The following RARB variants were observed in gnomAD, a reference collection of about 807,000 sequenced individuals.
RARB encodes HBV-activated protein.
RARB carries 17 observed loss-of-function variants against 51.9 expected under a neutral mutation model. The observed-to-expected ratio is 0.33, with a 90% CI of 0.22 to 0.49. RARB has a LOEUF of 0.49. Among genes scored for constraint, RARB ranks in the 20% least tolerant of loss-of-function variants. RARB has a pLI of 0.99. For missense variants in RARB, 369 were observed against 550.8 expected, an observed-to-expected ratio of 0.67 and a Z score of 3.30; for synonymous variants, 215 against 195.4, an observed-to-expected ratio of 1.10 and a Z score of -0.84.
rs769694319 is a variant in RARB, at chr3:25,151,929, A to T, written c.-280+19721A>T. On this transcript the variant is annotated intron_variant, in intron 4 of 11. Transcript: ENST00000383772. Reference sequence around the variant, plus strand: ...TCCCTTTTTATAGATTTTTTTTTTTAAAGTACAAAATGAAAGTATGCCTGG... The same window carrying T: ...TCCCTTTTTATAGATTTTTTTTTTTTAAGTACAAAATGAAAGTATGCCTGG... Among the ~76,000 whole-genome samples, 21 of 151,346 alleles carry T rather than the reference A, an allele frequency of 1.4e-4. 1 individual carries two copies. Among genetic ancestry groups the T allele is most frequent in the Non-Finnish European group, 2.2e-4 (15 of 67,810 alleles).
chr3:24,967,458 A>G (rs1696300690), intron 2 of RARB, among the ~76,000 whole-genome samples: 1 of 152,110 alleles, frequency 6.6e-6, no homozygotes, highest in Non-Finnish European at 1.5e-5. Context: ...GTCAACTTCT[A>G]AGAGTAGAAT....
At chr3:25,072,313 CA>C (rs1223835146) in intron 3 of RARB, among the ~76,000 whole-genome samples, 1 of 152,134 alleles carries the variant, frequency 6.6e-6, no homozygotes, top group Non-Finnish European at 1.5e-5. Context: ...TCTGGAGAGC[CA>C]GTCACCGCCT....
intron 1 of RARB, chr3:25,441,578 G>C (rs1421596466): frequency 6.5e-6 from 1 of 153,488 alleles, no homozygotes; most frequent in Non-Finnish European, 1.5e-5. Context: ...CCTTCGCCCA[G>C]AGCTCGGCGA....
chr3:25,252,106 A>G (rs1274391675), intron 5 of RARB, among the ~76,000 whole-genome samples: 1 of 152,116 alleles, frequency 6.6e-6, no homozygotes, highest in East Asian at 1.9e-4. Context: ...CCATTTGTTA[A>G]AAAGATTATT....
At chr3:25,343,288 C>A (rs1397870417) in intron 5 of RARB, among the ~76,000 whole-genome samples, 1 of 152,064 alleles carries the variant, frequency 6.6e-6, no homozygotes. Flanking sequence ...CTCTCAGTTT[C>A]TCTGGTCCCA....
chr3:25,222,873 G>C (rs1701977062), intron 5 of RARB, among the ~76,000 whole-genome samples: 1 of 152,092 alleles, frequency 6.6e-6, no homozygotes, highest in Non-Finnish European at 1.5e-5. Flanking sequence ...GAAGAGCAAA[G>C]CTAACGAAAT....
intron 2 of RARB, among the ~76,000 whole-genome samples, chr3:24,861,245 G>C (rs1487288810): frequency 6.6e-6 from 1 of 152,102 alleles, no homozygotes; most frequent in Non-Finnish European, 1.5e-5. Flanking sequence ...ATCTAGAGCT[G>C]ACTTAAAGTA....
intron 4 of RARB, among the ~76,000 whole-genome samples, chr3:25,578,549 C>G: frequency 6.6e-6 from 1 of 152,214 alleles, no homozygotes; most frequent in East Asian, 1.9e-4. Flanking sequence ...CCCTCTCTTC[C>G]GTGTCATCTT....
chr3:24,956,820 T>G (rs1354873299), intron 2 of RARB, among the ~76,000 whole-genome samples: 1 of 152,120 alleles, frequency 6.6e-6, no homozygotes, highest in African/African-American at 2.4e-5. Flanking sequence ...GTCCGCTAGA[T>G]ATTTGTACAC....
intron 3 of RARB, among the ~76,000 whole-genome samples, chr3:25,519,997 A>G (rs1153596): frequency 0.26 from 38,941 of 152,124 alleles, 6,506 homozygotes; most frequent in East Asian, 0.48. Context: ...ATCAGGGGTC[A>G]GCCTATGAGC....
intron 2 of RARB, among the ~76,000 whole-genome samples, chr3:24,883,819 CAG>C (rs1264772934): frequency 3.3e-5 from 5 of 152,042 alleles, no homozygotes; most frequent in Admixed American, 2.6e-4. Context: ...AAATAGTAAT[CAG>C]AGGGAAAAAG....
intron 5 of RARB, among the ~76,000 whole-genome samples, chr3:25,210,216 A>C (rs1015150819): frequency 1.3e-5 from 2 of 152,210 alleles, no homozygotes; most frequent in African/African-American, 2.4e-5. Context: ...TATGGTCTAC[A>C]CTGGGTTAGT....
At chr3:25,486,032 A>G (rs954984312) in intron 2 of RARB, among the ~76,000 whole-genome samples, 6 of 152,222 alleles carry the variant, frequency 3.9e-5, no homozygotes, top group Non-Finnish European at 5.9e-5. Context: ...ACTCACAAAT[A>G]TCAGATATGA....
chr3:25,113,200 G>A (rs770097398), intron 3 of RARB, among the ~76,000 whole-genome samples: 1 of 151,936 alleles, frequency 6.6e-6, no homozygotes, highest in Non-Finnish European at 1.5e-5. Context: ...ATGTGGTCTG[G>A]TACCAATTGT....
At chr3:25,197,556 CA>C (rs1416182543) in intron 5 of RARB, among the ~76,000 whole-genome samples, 1 of 151,770 alleles carries the variant, frequency 6.6e-6, no homozygotes, top group Non-Finnish European at 1.5e-5. Flanking sequence ...AAAACTCCAC[CA>C]AAAAACTATT....
intron 2 of RARB, among the ~76,000 whole-genome samples, chr3:25,035,714 C>A (rs1014616873): frequency 1.3e-5 from 2 of 152,192 alleles, no homozygotes; most frequent in African/African-American, 4.8e-5. Context: ...ATCTCTATTG[C>A]AATGACTCAG....
intron 2 of RARB, among the ~76,000 whole-genome samples, chr3:24,927,665 A>T (rs1261583785): frequency 6.6e-6 from 1 of 152,090 alleles, no homozygotes; most frequent in Non-Finnish European, 1.5e-5. Context: ...CATACTAAGA[A>T]ACACTGTTAC....
intron 2 of RARB, among the ~76,000 whole-genome samples, chr3:24,917,146 G>A (rs1235757300): frequency 6.6e-6 from 1 of 152,060 alleles, no homozygotes; most frequent in Non-Finnish European, 1.5e-5. Flanking sequence ...TTGTGAAATT[G>A]GTACCTTAGT....
intron 2 of RARB, among the ~76,000 whole-genome samples, chr3:24,936,990 G>A (rs1358678560): frequency 6.6e-6 from 1 of 152,140 alleles, no homozygotes; most frequent in Non-Finnish European, 1.5e-5. Flanking sequence ...TTCAGTGCCA[G>A]TCATATATGA....
Sources: gnomAD v4.1 joint callset for allele counts (sites outside exome capture counted in the v4.1 genomes callset) on GRCh38, gnomAD v4.1.1 for gene constraint, MANE v1.5 for transcripts, NCBI Gene and HGNC (gene_info 2026-07-23, HGNC 2026-07-21) for gene names.